Variants in PLEKHG6 observed in about 807,000 individuals in gnomAD.
PLEKHG6 encodes the protein pleckstrin homology and RhoGEF domain containing G6, also known as pleckstrin homology domain-containing family G member 6.
PLEKHG6 carries 91 observed loss-of-function variants against 97.5 expected under a neutral mutation model. That is an observed-to-expected ratio of 0.93 (90% CI 0.79 to 1.11). PLEKHG6 has a LOEUF of 1.11. Ranked by LOEUF, PLEKHG6 falls within the 50% of genes most tolerant of loss-of-function variation. The pLI is 0.00. For missense variants in PLEKHG6, 1,044 were observed against 1,031.0 expected, an observed-to-expected ratio of 1.01 and a Z score of -0.17; for synonymous variants, 466 against 425.5, an observed-to-expected ratio of 1.10 and a Z score of -1.17.
chr12:6,320,731 CT>C (rs1166432364), intron 13 of PLEKHG6, among the ~76,000 whole-genome samples: 3 of 152,176 alleles, frequency 2.0e-5, no homozygotes, highest in Non-Finnish European at 2.9e-5. Flanking sequence ...ATATATCTAT[CT>C]TTTGGGGGGG....
At position 6,327,379 on chromosome 12, in the gene PLEKHG6, C is replaced by T. The variant is rs1301347530; in HGVS notation, c.1796C>T (p.Thr599Met). 28 of 1,613,962 alleles carry T rather than the reference C, an allele frequency of 1.7e-5. No homozygotes were observed. Among genetic ancestry groups the T allele is most frequent in the South Asian group, 1.2e-4 (11 of 91,088 alleles). ...GGCACTTTGATCCCAGGCACCCCCA[C>T]GGGGTCCCGCTCCCCACTGAGCCGT... ...GYGTLIPGTP[T>M]GSRSPLSRLR... The change falls in exon 15 of 16, where the codon ACG becomes ATG. Residue 599 changes from threonine (T) to methionine (M), a missense_variant. Physicochemically the swap from Thr to Met is moderately conservative, Grantham distance 81. Transcript: ENST00000684764.
intron 13 of PLEKHG6, chr12:6,319,588 C>G (rs759997535): frequency 1.3e-6 from 2 of 1,535,870 alleles, no homozygotes; most frequent in African/African-American, 2.7e-5. Flanking sequence ...GGCAGAGCCT[C>G]CACCATCCAT....
In PLEKHG6 at chr12:6,318,371, A is replaced by AGCT. The variant is rs1409484393; in HGVS notation, c.1234_1236dup (p.Leu412dup). 5.0e-6 allele frequency: 8 copies of AGCT among 1,613,110 alleles called. No individual in the cohort carries two copies. The highest frequency in any genetic ancestry group is 3.3e-5 in the Admixed American group (2 of 59,708). The stretch of plus-strand genomic sequence containing the variant: ...GGGGTTGCATCTGAGCACACCAGAC[A>AGCT]GCTGCTGCTGGAGGGGCCTGTGCGA... On this transcript the variant is annotated inframe_insertion, in exon 11 of 16. Transcript: ENST00000684764.
At chr12:6,321,794 T>G (rs1278617564) in intron 13 of PLEKHG6, among the ~76,000 whole-genome samples, 1 of 121,552 alleles carries the variant, frequency 8.2e-6, no homozygotes, top group Non-Finnish European at 1.6e-5. Flanking sequence ...GCCACTGCAC[T>G]CCAGCCTGGG....
chr12:6,312,484 T>C, intron 2 of PLEKHG6, 120 bp downstream of exon 2: 1 of 1,213,920 alleles, frequency 8.2e-7, no homozygotes. Flanking sequence ...CTTACCCTAC[T>C]CTTCTTTCCT....
Position 6,312,938 on chromosome 12 carries a change from G to T in PLEKHG6, c.138+574G>T, listed in dbSNP as rs138221771. ...CCACCTTGAGGACAGTTCTGCTTGT[G>T]GCTGGGACATCCCCTGCCTCAATGC... On this transcript the variant is annotated intron_variant, in intron 2 of 15. Coordinates refer to ENST00000684764, the MANE Select transcript of PLEKHG6 (RefSeq NM_001384598.1). 160 of 1,411,164 alleles carry T rather than the reference G, an allele frequency of 1.1e-4. No individual in the cohort carries two copies. The African/African-American group carries it at 2.1e-3, about 19-fold the overall frequency. The allele number at this position is 1,411,164 out of a possible 1,614,324, so 87.4% of individuals were successfully genotyped here.
At chr12:6,320,604 C>T (rs576941108) in intron 13 of PLEKHG6, among the ~76,000 whole-genome samples, 62 of 152,274 alleles carry the variant, frequency 4.1e-4, no homozygotes, top group Non-Finnish European at 7.4e-4. Context: ...TATTAGATTT[C>T]GAGCCCACCC....
At chr12:6,313,501 G>A (rs1947344579) in intron 2 of PLEKHG6, 128 bp from the exon 3 acceptor site, 2 of 1,121,266 alleles carry the variant, frequency 1.8e-6, no homozygotes, top group Non-Finnish European at 1.3e-6. Flanking sequence ...TTTGCAGGGA[G>A]AAGTGAGCCA....
Position 6,313,771 on chromosome 12 carries a change from C to T in PLEKHG6, c.281C>T (p.Ser94Phe). 6.3e-7 allele frequency: 1 copy of T among 1,583,716 alleles called. No individual in the cohort carries two copies. The highest frequency in any genetic ancestry group is 1.4e-5 in the African/African-American group (1 of 73,750). Residue 94 changes from serine to phenylalanine, a missense_variant, in exon 3 of 16, where the codon TCC becomes TTC. Physicochemically the swap from Ser to Phe is radical, Grantham distance 155. Transcript: ENST00000684764. ...GGHVGAGLLHSPKLKELTKAH... is the reference protein window; with the variant it reads ...GGHVGAGLLHFPKLKELTKAH... ...CATGTGGGGGCTGGCCTGCTTCACT[C>T]CCCCAAACTCAAGGTAAGGGGGTCC...
rs1947422197 is a variant in PLEKHG6 at position 6,315,437 on chromosome 12, T to C, written c.460-117T>C. On this transcript the variant is annotated intron_variant, in intron 4 of 15. Coordinates refer to ENST00000684764, the MANE Select transcript of PLEKHG6 (RefSeq NM_001384598.1). This position sits in a 1 kb window ranked among gnomAD's most constrained non-coding sequence, Gnocchi z 4.5. Reference sequence around the variant, plus strand: ...GAGCACTGGTTTGAGGATTAAAAGGTCATGGTCATGCACAAAGTGCCTAGA... The same window carrying C: ...GAGCACTGGTTTGAGGATTAAAAGGCCATGGTCATGCACAAAGTGCCTAGA... 2 of 725,498 alleles carry C rather than the reference T, an allele frequency of 2.8e-6. No individual in the cohort carries two copies. Among genetic ancestry groups the C allele is most frequent in the South Asian group, 3.8e-5 (2 of 52,240 alleles). The allele number at this position is 725,498 out of a possible 1,614,324, so 44.9% of individuals were successfully genotyped here. A position where few individuals can be genotyped will look rare whatever the true frequency, so the allele number is the denominator to read the frequency against.
Position 6,317,126 on chromosome 12 carries a change from A to G in PLEKHG6, c.757-177A>G, listed in dbSNP as rs531227130. Among the ~76,000 whole-genome samples the G allele has an allele frequency of 9.2e-5, 14 of 152,320 alleles. No individual in the cohort carries two copies. The South Asian group carries it at 2.9e-3, about 32-fold the overall frequency. ...CAGGCTCCTTCGTGGAATCCAGAGA[A>G]AGGGGCGTAGCCTCGAGAGCATTCC... On this transcript the variant is annotated intron_variant, in intron 7 of 15. Coordinates refer to ENST00000684764, the MANE Select transcript of PLEKHG6 (RefSeq NM_001384598.1).
chr12:6,312,284 A>C lies in PLEKHG6; in HGVS notation c.58A>C (p.Ile20Leu), dbSNP rs909679755. ...GPLQGLVASRIETYGGRHRAS... is the reference protein window; with the variant it reads ...GPLQGLVASRLETYGGRHRAS... ...CCTCCAAGGACTCGTGGCCTCCCGC[A>C]TTGAGACTTATGGGGGCCGGCATCG... Residue 20 changes from isoleucine (I) to leucine (L), a missense_variant, in exon 2 of 16, where the codon ATT becomes CTT. Ile to Leu is a conservative substitution (Grantham distance 5). Transcript: ENST00000684764. 4 of 1,560,110 alleles carry C rather than the reference A, an allele frequency of 2.6e-6. No homozygotes were observed. The highest frequency in any genetic ancestry group is 2.6e-6 in the Non-Finnish European group (3 of 1,159,798).
In PLEKHG6 at chr12:6,317,704, C is replaced by T. The variant is rs563664615; in HGVS notation, c.1017+8C>T. The T allele has an allele frequency of 6.2e-7, 1 of 1,612,564 alleles. No homozygotes were observed. The highest frequency in any genetic ancestry group is 1.3e-5 in the African/African-American group (1 of 75,056). The stretch of plus-strand genomic sequence containing the variant: ...GAGGCCCTGAATGCCATGGTAGGTG[C>T]CCCAGTGGGGCTGGGACTCTGGTGA... On this transcript the variant is annotated splice_region_variant and intron_variant, in intron 9 of 15. Coordinates refer to ENST00000684764, the MANE Select transcript of PLEKHG6 (RefSeq NM_001384598.1).
In PLEKHG6 at chr12:6,319,010, C is replaced by G; in HGVS notation, c.1426C>G (p.His476Asp). Residue 476 changes from histidine (H) to aspartate (D), a missense_variant, in exon 13 of 16, where the codon CAC becomes GAC. His to Asp is a moderately conservative substitution (Grantham distance 81). Transcript: ENST00000684764. ...LRDPNSFLLI[H>D]LTEFQCVSSA... ...CCATCCAGACAGCTTCCTGCTGATC[C>G]ACCTCACTGAATTCCAGTGTGTCTC... 6.2e-7 allele frequency: 1 copy of G among 1,613,958 alleles called. No individual in the cohort carries two copies. Among genetic ancestry groups the G allele is most frequent in the African/African-American group, 1.3e-5 (1 of 75,034 alleles).
rs912647331 is a variant in PLEKHG6, at chr12:6,328,364, G to A, written c.*219G>A. ...CCCACAGAAAGTTGTGCATAAAAATGACTGCCCTGGCTGGGCATGGCTGCC... is the reference window on the plus strand; with the variant it reads ...CCCACAGAAAGTTGTGCATAAAAATAACTGCCCTGGCTGGGCATGGCTGCC... On this transcript the variant is annotated 3_prime_UTR_variant, in exon 16 of 16. Coordinates refer to ENST00000684764, the MANE Select transcript of PLEKHG6 (RefSeq NM_001384598.1). The A allele has an allele frequency of 1.7e-5, 9 of 527,900 alleles. No individual in the cohort carries two copies. The South Asian group carries it at 2.4e-4, about 14-fold the overall frequency. 32.7% of individuals were successfully genotyped at this position (527,900 alleles called of 1,614,324 possible).
chr12:6,326,522 C>T lies in PLEKHG6; in HGVS notation c.1619C>T (p.Thr540Ile). 1.3e-6 allele frequency: 2 copies of T among 1,593,596 alleles called. No homozygotes were observed. Among genetic ancestry groups the T allele is most frequent in the Non-Finnish European group, 1.7e-6 (2 of 1,172,160 alleles). ...GACCAGGACAGGGAGTCCCCCAGCA[C>T]CAGGCCCTCCACGCCTTCCCTGGAG... ...YRDQDRESPS[T>I]RPSTPSLEGS... is the part of the protein sequence containing the mutation. Residue 540 changes from threonine (T) to isoleucine (I), a missense_variant, in exon 14 of 16, where the codon ACC (threonine) becomes ATC (isoleucine). Physicochemically the swap from Thr to Ile is moderately conservative, Grantham distance 89. Transcript: ENST00000684764.
rs1003348396 is a variant in PLEKHG6 at position 6,318,683 on chromosome 12, G to A, written c.1276-62G>A. Reference sequence around the variant, plus strand: ...GCGCACCATGCCTGAGCCTCCTCCCGGACCAGCCCTGCCCCTGGCTCCAGC... The same window carrying A: ...GCGCACCATGCCTGAGCCTCCTCCCAGACCAGCCCTGCCCCTGGCTCCAGC... On this transcript the variant is annotated intron_variant, in intron 11 of 15. Coordinates refer to ENST00000684764, the MANE Select transcript of PLEKHG6 (RefSeq NM_001384598.1). 115 of 1,574,010 alleles carry A rather than the reference G, an allele frequency of 7.3e-5. No homozygotes were observed. The East Asian group carries it at 1.3e-3, about 18-fold the overall frequency.
In PLEKHG6 at chr12:6,314,224, C is replaced by T. The variant is rs189080761; in HGVS notation, c.294+440C>T. Among the ~76,000 whole-genome samples, 207 of 152,092 alleles carry T rather than the reference C, an allele frequency of 1.4e-3. No individual in the cohort carries two copies. The Middle Eastern group carries it at 0.017, about 12-fold the overall frequency. On this transcript the variant is annotated intron_variant, in intron 3 of 15. Coordinates refer to ENST00000684764, the MANE Select transcript of PLEKHG6 (RefSeq NM_001384598.1). The stretch of plus-strand genomic sequence containing the variant: ...TACCAAAGAAACCTGTAAAATGGGC[C>T]GGGCGTGGTGGCTCACACCTGTAAT...
At position 6,315,260 on chromosome 12, in the gene PLEKHG6, G is replaced by A. The variant is rs1196552808; in HGVS notation, c.459+91G>A. 2 of 1,275,298 alleles carry A rather than the reference G, an allele frequency of 1.6e-6. No homozygotes were observed. The highest frequency in any genetic ancestry group is 3.0e-5 in the African/African-American group (2 of 66,858). 79.0% of individuals were successfully genotyped at this position (1,275,298 alleles called of 1,614,324 possible). A position where few individuals can be genotyped will look rare whatever the true frequency, so the allele number is the denominator to read the frequency against. ...AGAGGAGGGAAAGGCCTTGGGAAGT[G>A]GGGTCATGTGGAAAAAACATCTGGA... On this transcript the variant is annotated intron_variant, in intron 4 of 15. Coordinates refer to ENST00000684764, the MANE Select transcript of PLEKHG6 (RefSeq NM_001384598.1). This position sits in a 1 kb window ranked among gnomAD's most constrained non-coding sequence, Gnocchi z 4.5.
Sources: gnomAD v4.1 joint callset for allele counts (sites outside exome capture counted in the v4.1 genomes callset) on GRCh38, gnomAD v4.1.1 for gene constraint, Gnocchi (gnomAD v3.1) non-coding constraint, MANE v1.5 for transcripts, NCBI Gene and HGNC (gene_info 2026-07-23, HGNC 2026-07-21) for gene names.